KCNB2: variants seen among roughly 807,000 people sequenced by gnomAD.
KCNB2 encodes the protein delayed rectifier potassium channel protein.
A neutral mutation model predicts 61.5 loss-of-function variants in KCNB2; 15 were observed. The observed-to-expected ratio is 0.24, with a 90% CI of 0.16 to 0.38. The LOEUF (loss-of-function observed/expected upper bound fraction) is 0.38. KCNB2 is among the 10% of genes least tolerant of loss of function. The pLI, the probability that KCNB2 is intolerant of heterozygous loss-of-function variation, is 1.00. For missense variants in KCNB2, 828 were observed against 1,125.2 expected, an observed-to-expected ratio of 0.74 and a Z score of 3.78; for synonymous variants, 457 against 446.0, an observed-to-expected ratio of 1.02 and a Z score of -0.31.
chr8:72,562,113 A>G (rs1022348215), intron 1 of KCNB2, among the ~76,000 whole-genome samples: 1 of 152,072 alleles, frequency 6.6e-6, no homozygotes, highest in Non-Finnish European at 1.5e-5. Flanking sequence ...CCTGCTCAGC[A>G]TGTTCTAGCA....
intron 2 of KCNB2, among the ~76,000 whole-genome samples, chr8:72,731,358 C>A (rs970233169): frequency 6.6e-6 from 1 of 152,154 alleles, no homozygotes; most frequent in Non-Finnish European, 1.5e-5. Flanking sequence ...TAATTAATTT[C>A]TTTTAATGAT....
intron 2 of KCNB2, among the ~76,000 whole-genome samples, chr8:72,773,776 T>G (rs1431294781): frequency 6.6e-6 from 1 of 152,218 alleles, no homozygotes; most frequent in Non-Finnish European, 1.5e-5. Context: ...CAATTAATTT[T>G]GTACCTAAGA....
At chr8:72,698,956 G>T (rs1236185198) in intron 2 of KCNB2, among the ~76,000 whole-genome samples, 1 of 152,092 alleles carries the variant, frequency 6.6e-6, no homozygotes, top group Non-Finnish European at 1.5e-5. Context: ...AAGAATTTAT[G>T]AGTAACTCCT....
chr8:72,859,711 T>C (rs1236307516), intron 2 of KCNB2, among the ~76,000 whole-genome samples: 1 of 92,412 alleles, frequency 1.1e-5, no homozygotes, highest in Non-Finnish European at 2.6e-5. Context: ...CATTTCGTTT[T>C]TTTTTTTTTT....
chr8:72,815,617 A>G (rs755822144), intron 2 of KCNB2, among the ~76,000 whole-genome samples: 9 of 152,218 alleles, frequency 5.9e-5, no homozygotes, highest in Non-Finnish European at 1.0e-4. Context: ...AGACTAGGTT[A>G]ATACTTTCCT....
chr8:72,614,400 T>C (rs578044612), intron 2 of KCNB2, among the ~76,000 whole-genome samples: 3 of 152,306 alleles, frequency 2.0e-5, no homozygotes, highest in African/African-American at 7.2e-5. Context: ...AAATCCTAGC[T>C]CTACTCTAAT....
At chr8:72,931,967 C>T (rs61463010) in intron 2 of KCNB2, among the ~76,000 whole-genome samples, 20,382 of 152,006 alleles carry the variant, frequency 0.13, 3,262 homozygotes, top group East Asian at 0.79. Flanking sequence ...GAGCCAAGAT[C>T]GTGCCACTGC....
At position 72,769,446 on chromosome 8, in the gene KCNB2, TAATA is replaced by T. The variant is rs1563379939; in HGVS notation, c.580-166488_580-166485del. On this transcript the variant is annotated intron_variant, in intron 2 of 2. Transcript: ENST00000523207. Reference sequence around the variant, plus strand: ...AAAAATTGCACTATAGCAAATGTTCTAATAGAGATATGCACAGACAAAACTGAAA... The same window carrying T: ...AAAAATTGCACTATAGCAAATGTTCTGAGATATGCACAGACAAAACTGAAA... Among the ~76,000 whole-genome samples the T allele has an allele frequency of 1.7e-4, 26 of 152,162 alleles. 1 individual carries two copies. Among genetic ancestry groups the T allele is most frequent in the Admixed American group, 1.6e-3 (25 of 15,278 alleles).
intron 2 of KCNB2, among the ~76,000 whole-genome samples, chr8:72,764,850 C>T (rs943887629): frequency 6.6e-6 from 1 of 152,098 alleles, no homozygotes; most frequent in African/African-American, 2.4e-5. Context: ...GAAGCATAGA[C>T]CAGAATTAGT....
chr8:72,915,805 G>C (rs1436007739), intron 2 of KCNB2, among the ~76,000 whole-genome samples: 1 of 152,146 alleles, frequency 6.6e-6, no homozygotes, highest in Non-Finnish European at 1.5e-5. Flanking sequence ...TGTAGTCCCA[G>C]CTACTCAGGA....
At chr8:72,676,879 C>A (rs952864801) in intron 2 of KCNB2, among the ~76,000 whole-genome samples, 2 of 152,100 alleles carry the variant, frequency 1.3e-5, no homozygotes, top group Middle Eastern at 3.2e-3. Context: ...GCAGCCCTTC[C>A]ACTTTATATT....
At chr8:72,919,971 T>C (rs1806476889) in intron 2 of KCNB2, among the ~76,000 whole-genome samples, 1 of 152,150 alleles carries the variant, frequency 6.6e-6, no homozygotes. Context: ...CTAATCTCAA[T>C]GCTATCACCT....
chr8:72,798,836 G>C (rs2128999317), intron 2 of KCNB2, among the ~76,000 whole-genome samples: 1 of 152,264 alleles, frequency 6.6e-6, no homozygotes, highest in African/African-American at 2.4e-5. Context: ...TGTTTTAGGG[G>C]AGGAGGCACA....
At chr8:72,743,729 T>C (rs1223513849) in intron 2 of KCNB2, among the ~76,000 whole-genome samples, 2 of 152,262 alleles carry the variant, frequency 1.3e-5, no homozygotes, top group Admixed American at 6.5e-5. Flanking sequence ...AGTGAAATTA[T>C]GACATATTGT....
intron 1 of KCNB2, among the ~76,000 whole-genome samples, chr8:72,563,880 T>C (rs899864351): frequency 5.3e-5 from 8 of 152,222 alleles, no homozygotes; most frequent in Non-Finnish European, 8.8e-5. Context: ...CAGAACATTC[T>C]GCCCAGGGAG....
At position 72,817,298 on chromosome 8, in the gene KCNB2, G is replaced by A. The variant is rs180981460; in HGVS notation, c.580-118637G>A. Among the ~76,000 whole-genome samples, 72 of 152,190 alleles carry A rather than the reference G, an allele frequency of 4.7e-4. 1 individual carries two copies. In the East Asian group the frequency reaches 0.01, roughly 21 times the overall value. On this transcript the variant is annotated intron_variant, in intron 2 of 2. Coordinates refer to ENST00000523207, the MANE Select transcript of KCNB2 (RefSeq NM_004770.3). ...AAAAAAATCTTGTCCCCTTCTCGCC[G>A]TACACCCCCTCACCGAGCAGGTTCA... is the stretch of plus-strand genomic sequence containing the variant.
At chr8:72,819,520 T>C (rs922265341) in intron 2 of KCNB2, among the ~76,000 whole-genome samples, 2 of 152,178 alleles carry the variant, frequency 1.3e-5, no homozygotes, top group African/African-American at 4.8e-5. Flanking sequence ...TCTTATTGTC[T>C]CTGTTGCATG....
intron 2 of KCNB2, among the ~76,000 whole-genome samples, chr8:72,623,585 A>C (rs1563541546): frequency 6.6e-6 from 1 of 152,250 alleles, no homozygotes; most frequent in East Asian, 1.9e-4. Context: ...TGGATAGGTT[A>C]TCAGGGGAAA....
At chr8:72,704,304 CT>C (rs1235439159) in intron 2 of KCNB2, among the ~76,000 whole-genome samples, 27 of 152,262 alleles carry the variant, frequency 1.8e-4, no homozygotes, top group African/African-American at 6.0e-4. Context: ...ATAATTTTAT[CT>C]CATTTAATGA....
Sources: allele counts gnomAD v4.1 joint callset (sites outside exome capture counted in the v4.1 genomes callset), GRCh38; gene constraint gnomAD v4.1.1; transcripts MANE v1.5; gene names NCBI Gene and HGNC (gene_info 2026-07-23, HGNC 2026-07-21).